The following BCL2L11 variants were observed in gnomAD, a reference collection of about 807,000 sequenced individuals.
BCL2L11 encodes BCL2 like 11.
In BCL2L11, 15 loss-of-function variants were observed where a neutral mutation model predicts 20.6. The observed-to-expected ratio is 0.73, with a 90% confidence interval of 0.49 to 1.12. The LOEUF (loss-of-function observed/expected upper bound fraction) is 1.12, where lower values mean the gene tolerates loss of function less well. BCL2L11 is among the 50% of genes most tolerant of loss of function. The pLI is 0.00. For missense variants in BCL2L11, 292 were observed against 260.9 expected (o/e 1.12, Z -0.82); for synonymous variants, 108 against 92.8 (o/e 1.16, Z -0.94).
chr2:111,142,459 G>A, intron 2 of BCL2L11: 1 of 1,246,886 alleles, frequency 8.0e-7, no homozygotes, highest in Non-Finnish European at 1.1e-6. Context: ...ACTTTTAAGT[G>A]AGAAGCTTTC....
intron 2 of BCL2L11, among the ~76,000 whole-genome samples, chr2:111,125,392 C>T (rs536142204): frequency 6.6e-6 from 1 of 152,282 alleles, no homozygotes; most frequent in South Asian, 2.1e-4. Context: ...GATCAGTAGT[C>T]AATCACATTG....
intron 2 of BCL2L11, chr2:111,128,968 G>A (rs2073298459): frequency 9.2e-6 from 6 of 651,402 alleles, no homozygotes; most frequent in Non-Finnish European, 1.4e-5. Context: ...AGTGTGCAGT[G>A]CTGCTCTAGC....
chr2:111,167,421 T>C lies in BCL2L11; in HGVS notation c.*3190T>C, dbSNP rs2079074615. 6.6e-6 allele frequency: 1 copy of C among 152,302 alleles called. No individual in the cohort carries two copies. Among genetic ancestry groups the C allele is most frequent in the Admixed American group, 6.5e-5 (1 of 15,290 alleles). 9.4% of individuals were successfully genotyped at this position (152,302 alleles called of 1,614,324 possible). ...TGTTTGTTCCAAAGCAACTAGCTTA[T>C]CATGCAAGCAAATTTTGCTGACTCC... On this transcript the variant is annotated 3_prime_UTR_variant, in exon 4 of 4. Coordinates refer to ENST00000393256, the MANE Select transcript of BCL2L11 (RefSeq NM_138621.5).
At chr2:111,137,932 C>T (rs1162228885) in intron 2 of BCL2L11, among the ~76,000 whole-genome samples, 1 of 151,800 alleles carries the variant, frequency 6.6e-6, no homozygotes, top group African/African-American at 2.4e-5. Context: ...TATAAGAATA[C>T]ATTAAACTGT....
At chr2:111,146,975 AC>A (rs1214786749) in intron 2 of BCL2L11, among the ~76,000 whole-genome samples, 1 of 152,328 alleles carries the variant, frequency 6.6e-6, no homozygotes, top group Middle Eastern at 3.4e-3. Context: ...TCTCAAAAAA[AC>A]AAACTGGTTT....
chr2:111,151,948 C>A (rs79345251), intron 3 of BCL2L11: 1 of 1,384,268 alleles, frequency 7.2e-7, no homozygotes, highest in East Asian at 2.5e-5. Flanking sequence ...AGTAACCATT[C>A]CCTCCAGTTC....
chr2:111,134,608 CT>C lies in BCL2L11; in HGVS notation c.394+10471del, dbSNP rs568040674. 2.3e-3 allele frequency among the ~76,000 whole-genome samples: 356 copies of C among 152,224 alleles called. 2 individuals are homozygous for C. The highest frequency in any genetic ancestry group is 4.0e-3 in the Non-Finnish European group (271 of 68,024). On this transcript the variant is annotated intron_variant, in intron 2 of 3. Transcript: ENST00000393256. ...ACCAATAGTCGCTTCCATTTTTCCCCTTCCAATGTTCTTTCCTTTCTGAAGT... is the reference window on the plus strand; with the variant it reads ...ACCAATAGTCGCTTCCATTTTTCCCCTCCAATGTTCTTTCCTTTCTGAAGT...
chr2:111,150,327 A>G (rs2077097704), intron 3 of BCL2L11, 180 bp downstream of exon 3: 18 of 1,282,192 alleles, frequency 1.4e-5, no homozygotes, highest in Non-Finnish European at 1.6e-5. Context: ...TGACTAAGTA[A>G]TGGCACTTAA....
At chr2:111,139,180 C>CTGA (rs2075400963) in intron 2 of BCL2L11, among the ~76,000 whole-genome samples, 2 of 152,132 alleles carry the variant, frequency 1.3e-5, no homozygotes, top group African/African-American at 4.8e-5. Flanking sequence ...AAGAGGAGGT[C>CTGA]TGAATCACCC....
intron 2 of BCL2L11, among the ~76,000 whole-genome samples, chr2:111,133,297 A>G (rs964282093): frequency 2.6e-5 from 4 of 152,202 alleles, no homozygotes; most frequent in Admixed American, 1.3e-4. Flanking sequence ...CCAAGCAGCC[A>G]TGTCTCAGGA....
chr2:111,150,693 A>G (rs188407965), intron 3 of BCL2L11, among the ~76,000 whole-genome samples: 166 of 152,382 alleles, frequency 1.1e-3, no homozygotes, highest in Admixed American at 1.9e-3. Context: ...CCGCTAATCA[A>G]TAGCCTGTAA....
At chr2:111,135,345 C>A (rs959506438) in intron 2 of BCL2L11, among the ~76,000 whole-genome samples, 9 of 152,158 alleles carry the variant, frequency 5.9e-5, no homozygotes, top group African/African-American at 2.2e-4. Flanking sequence ...TTTGCTGGTA[C>A]TTTCCAAACA....
chr2:111,124,191 T>C, intron 2 of BCL2L11, 52 bp downstream of exon 2: 2 of 1,515,066 alleles, frequency 1.3e-6, no homozygotes, highest in Non-Finnish European at 1.8e-6. Flanking sequence ...TTGAATCTGC[T>C]TGAAGGCTGT....
intron 3 of BCL2L11, among the ~76,000 whole-genome samples, chr2:111,158,816 A>G (rs1001737814): frequency 6.6e-6 from 1 of 152,170 alleles, no homozygotes; most frequent in Non-Finnish European, 1.5e-5. Context: ...CTTACAGCAC[A>G]TCTCACCCCT....
intron 2 of BCL2L11, chr2:111,142,187 A>G (rs998504274): frequency 1.3e-6 from 1 of 787,104 alleles, no homozygotes; most frequent in African/African-American, 1.7e-5. Flanking sequence ...AATTCTTTAC[A>G]TCCTTAACTT....
rs2078995343 is a variant in BCL2L11 at position 111,165,839 on chromosome 2, G to A, written c.*1608G>A. 2 of 152,172 alleles carry A rather than the reference G, an allele frequency of 1.3e-5. No homozygotes were observed. The allele number at this position is 152,172 out of a possible 1,614,324, so 9.4% of individuals were successfully genotyped here. A position where few individuals can be genotyped will look rare whatever the true frequency, so the allele number is the denominator to read the frequency against. On this transcript the variant is annotated 3_prime_UTR_variant, in exon 4 of 4. Transcript: ENST00000393256. ...CCACCAACTAGTGTTTTGCCCGATA[G>A]AAGAGCCAGCATGTTCACGTTATTT...
At chr2:111,122,174 G>A (rs1399931106) in intron 1 of BCL2L11, among the ~76,000 whole-genome samples, 1 of 152,240 alleles carries the variant, frequency 6.6e-6, no homozygotes, top group Non-Finnish European at 1.5e-5. Context: ...GAGAATAGTT[G>A]CCACAGCCAG....
chr2:111,143,017 A>G (rs1445192325), intron 2 of BCL2L11, among the ~76,000 whole-genome samples: 1 of 152,224 alleles, frequency 6.6e-6, no homozygotes. Context: ...CCTCGTCAGT[A>G]GAAAAAATAT....
At chr2:111,156,920 G>A (rs954202965) in intron 3 of BCL2L11, among the ~76,000 whole-genome samples, 1 of 152,180 alleles carries the variant, frequency 6.6e-6, no homozygotes, top group African/African-American at 2.4e-5. Context: ...GTTTAGAAAG[G>A]GAGATGCCAG....
Sources: allele counts gnomAD v4.1 joint callset (sites outside exome capture counted in the v4.1 genomes callset), GRCh38; gene constraint gnomAD v4.1.1; transcripts MANE v1.5; gene names NCBI Gene and HGNC (gene_info 2026-07-23, HGNC 2026-07-21).